PRKCH: variants seen among roughly 807,000 people sequenced by gnomAD.
The protein encoded by PRKCH is protein kinase C eta.
In PRKCH, 28 loss-of-function variants were observed where a neutral mutation model predicts 82.5. The observed-to-expected ratio is 0.34, with a 90% CI of 0.25 to 0.47. The LOEUF (loss-of-function observed/expected upper bound fraction) is 0.47, where lower values mean the gene tolerates loss of function less well. PRKCH is among the 20% of genes least tolerant of loss of function. PRKCH has a pLI of 1.00. For synonymous variants in PRKCH, 322 were observed against 327.4 expected, an observed-to-expected ratio of 0.98 and a Z score of 0.18; for missense variants, 705 against 881.8, an observed-to-expected ratio of 0.80 and a Z score of 2.54.
intron 1 of PRKCH, among the ~76,000 whole-genome samples, chr14:61,208,476 G>A (rs191009961): frequency 2.9e-3 from 436 of 152,296 alleles, no homozygotes; most frequent in African/African-American, 8.8e-3. Context: ...TTGAGTAAAT[G>A]AGGTGAGAAT....
At chr14:61,209,230 A>C (rs2044550294) in intron 1 of PRKCH, among the ~76,000 whole-genome samples, 1 of 151,194 alleles carries the variant, frequency 6.6e-6, no homozygotes, top group Non-Finnish European at 1.5e-5. Flanking sequence ...GTAAGAAATG[A>C]ATTTTTTTTC....
intron 1 of PRKCH, among the ~76,000 whole-genome samples, chr14:61,252,946 C>T (rs953828771): frequency 2.0e-5 from 3 of 152,092 alleles, no homozygotes; most frequent in Admixed American, 6.6e-5. Flanking sequence ...CTCTTCTGAG[C>T]GTATGGTGGG....
At position 61,294,513 on chromosome 14, in the gene PRKCH, G is replaced by T. The variant is rs368147557; in HGVS notation, c.-19+106845G>T. ...TTTATGTTCTGATTCTTTATATCTA[G>T]TATATTAGGCTTGTGTCACCCAAGC... On this transcript the variant is annotated intron_variant, in intron 1 of 3. Coordinates refer to the PRKCH transcript ENST00000555185. Among the ~76,000 whole-genome samples the T allele has an allele frequency of 7.4e-4, 112 of 151,758 alleles. 1 individual carries two copies. Among genetic ancestry groups the T allele is most frequent in the Middle Eastern group, 6.8e-3 (2 of 294 alleles).
intron 10 of PRKCH, among the ~76,000 whole-genome samples, chr14:61,522,724 T>C (rs1326808310): frequency 1.3e-5 from 2 of 152,166 alleles, no homozygotes; most frequent in African/African-American, 2.4e-5. Context: ...TGTGGTGATC[T>C]GTCTGCTTCT....
intron 10 of PRKCH, among the ~76,000 whole-genome samples, chr14:61,514,938 C>A (rs1247876242): frequency 6.6e-6 from 1 of 152,174 alleles, no homozygotes; most frequent in East Asian, 1.9e-4. Flanking sequence ...GATATAAATT[C>A]TTAAATGTGA....
At chr14:61,480,867 C>T (rs567566826) in intron 9 of PRKCH, among the ~76,000 whole-genome samples, 1 of 152,318 alleles carries the variant, frequency 6.6e-6, no homozygotes, top group South Asian at 2.1e-4. Flanking sequence ...GCAGTCCCTC[C>T]CGTCTGCCTG....
chr14:61,534,595 T>C (rs2043083360), intron 12 of PRKCH, among the ~76,000 whole-genome samples: 1 of 152,198 alleles, frequency 6.6e-6, no homozygotes, highest in Non-Finnish European at 1.5e-5. Flanking sequence ...ACTGTAATTA[T>C]TTGTCTTTGC....
At chr14:61,393,210 G>C (rs115350655) in intron 2 of PRKCH, among the ~76,000 whole-genome samples, 1 of 151,948 alleles carries the variant, frequency 6.6e-6, no homozygotes, top group Non-Finnish European at 1.5e-5. Context: ...CTCCAACTCC[G>C]TTCTTTTTTG....
At chr14:61,524,296 C>T (rs1369522763) in intron 10 of PRKCH, among the ~76,000 whole-genome samples, 1 of 152,234 alleles carries the variant, frequency 6.6e-6, no homozygotes, top group Non-Finnish European at 1.5e-5. Context: ...TTTTAAGTAA[C>T]CCTGATTACC....
chr14:61,514,907 A>G (rs2042800803), intron 10 of PRKCH, among the ~76,000 whole-genome samples: 1 of 152,224 alleles, frequency 6.6e-6, no homozygotes, highest in Non-Finnish European at 1.5e-5. Context: ...CAAGGAAGGC[A>G]AACACCAGTG....
chr14:61,291,526 C>T (rs1368176586), intron 1 of PRKCH, among the ~76,000 whole-genome samples: 4 of 152,086 alleles, frequency 2.6e-5, no homozygotes, highest in African/African-American at 9.7e-5. Flanking sequence ...GACGAGGTTT[C>T]ACCATGTTGG....
At chr14:61,370,403 G>A (rs1003862214) in intron 1 of PRKCH, among the ~76,000 whole-genome samples, 2 of 152,096 alleles carry the variant, frequency 1.3e-5, no homozygotes, top group Admixed American at 1.3e-4. Context: ...TGTTAAGTGC[G>A]ATGCCAGTTT....
At chr14:61,530,711 G>A (rs1251568953) in intron 12 of PRKCH, 116 bp downstream of exon 12, 1 of 961,236 alleles carries the variant, frequency 1.0e-6, no homozygotes, top group African/African-American at 1.6e-5. Context: ...ACTAAAATTT[G>A]TATTGTTCTA....
chr14:61,385,543 A>G (rs912587646), intron 1 of PRKCH, among the ~76,000 whole-genome samples: 1 of 152,178 alleles, frequency 6.6e-6, no homozygotes, highest in Admixed American at 6.5e-5. Flanking sequence ...TTCTCGCTGC[A>G]TTGGTAAAGG....
At chr14:61,199,425 G>T (rs1333597330) in intron 1 of PRKCH, among the ~76,000 whole-genome samples, 4 of 152,166 alleles carry the variant, frequency 2.6e-5, no homozygotes, top group African/African-American at 9.7e-5. Context: ...AAAATGAAGT[G>T]CCCTCTGCTC....
At chr14:61,463,864 C>A (rs1185518116) in intron 9 of PRKCH, among the ~76,000 whole-genome samples, 1 of 152,178 alleles carries the variant, frequency 6.6e-6, no homozygotes, top group African/African-American at 2.4e-5. Flanking sequence ...AATACAATGT[C>A]CTCCAGGTTG....
At chr14:61,213,167 C>T (rs746736588) in intron 1 of PRKCH, among the ~76,000 whole-genome samples, 14 of 152,100 alleles carry the variant, frequency 9.2e-5, no homozygotes, top group Admixed American at 3.3e-4. Context: ...TAAGTTGTTA[C>T]GAATTTTGGA....
In PRKCH at chr14:61,459,471, A is replaced by G. The variant is rs946905665; in HGVS notation, c.1278+1792A>G. ...CACACACAGCATATCGAGGTTGAAC[A>G]GGGGCCTTGAGAACTGAGGCAGCCG... On this transcript the variant is annotated intron_variant, in intron 9 of 13. Coordinates refer to ENST00000332981, the MANE Select transcript of PRKCH (RefSeq NM_006255.5). 7.9e-5 allele frequency among the ~76,000 whole-genome samples: 12 copies of G among 152,332 alleles called. No individual in the cohort carries two copies. In the East Asian group the frequency reaches 9.6e-4, roughly 12 times the overall value.
At chr14:61,368,812 A>G (rs978094829) in intron 1 of PRKCH, among the ~76,000 whole-genome samples, 1 of 152,098 alleles carries the variant, frequency 6.6e-6, no homozygotes, top group African/African-American at 2.4e-5. Flanking sequence ...CCCTTTGAAA[A>G]TGACATTTAA....
Sources: allele counts gnomAD v4.1 joint callset (sites outside exome capture counted in the v4.1 genomes callset), GRCh38; gene constraint gnomAD v4.1.1; transcripts MANE v1.5; gene names NCBI Gene and HGNC (gene_info 2026-07-23, HGNC 2026-07-21).